SMOC2: variants seen among roughly 807,000 people sequenced by gnomAD.
SMOC2 encodes SPARC related modular calcium binding 2.
A neutral mutation model predicts 61.4 loss-of-function variants in SMOC2; 39 were observed. The observed-to-expected ratio is 0.64, with a 90% confidence interval of 0.49 to 0.83. The LOEUF (loss-of-function observed/expected upper bound fraction) is 0.83. Ranked by LOEUF, SMOC2 falls within the 40% of genes least tolerant of loss-of-function variation. The pLI, the probability that SMOC2 is intolerant of heterozygous loss-of-function variation, is 0.00. For synonymous variants in SMOC2, 247 were observed against 239.9 expected (o/e 1.03, Z -0.27); for missense variants, 556 against 592.9 (o/e 0.94, Z 0.65).
At chr6:168,446,257 G>A (rs1418764497) in intron 1 of SMOC2, among the ~76,000 whole-genome samples, 1 of 152,174 alleles carries the variant, frequency 6.6e-6, no homozygotes, top group East Asian at 1.9e-4. Context: ...CAGCTACTTG[G>A]GAGGCTGAGA....
intron 1 of SMOC2, among the ~76,000 whole-genome samples, chr6:168,493,172 G>A (rs1782508571): frequency 6.6e-6 from 1 of 152,002 alleles, no homozygotes; most frequent in South Asian, 2.1e-4. Context: ...GAGTAGCTGG[G>A]ACTACAGGTA....
Position 168,630,611 on chromosome 6 carries a change from G to A in SMOC2, c.908-20070G>A, listed in dbSNP as rs543317410. On this transcript the variant is annotated intron_variant, in intron 9 of 12. Coordinates refer to ENST00000356284, the MANE Select transcript of SMOC2 (RefSeq NM_001166412.2). ...GAAAAGGATAACAGCAATGTTCAGG[G>A]AACAAGAGAGATCACCTTAAATTCT... 1.4e-3 allele frequency among the ~76,000 whole-genome samples: 211 copies of A among 152,324 alleles called. 1 individual carries two copies. Among genetic ancestry groups the A allele is most frequent in the Non-Finnish European group, 2.5e-3 (173 of 68,032 alleles).
In SMOC2 at chr6:168,532,015, G is replaced by A. The variant is rs561607337; in HGVS notation, c.463+4288G>A. Among the ~76,000 whole-genome samples the A allele has an allele frequency of 7.9e-5, 12 of 152,266 alleles. No homozygotes were observed. In the South Asian group the frequency reaches 1.0e-3, roughly 13 times the overall value. ...TGGCGAGGACAAGAAGCCGGCTCTCGGAGACGTATCCAAGTCCACTTCATG... is the reference window on the plus strand; with the variant it reads ...TGGCGAGGACAAGAAGCCGGCTCTCAGAGACGTATCCAAGTCCACTTCATG... On this transcript the variant is annotated intron_variant, in intron 4 of 12. Coordinates refer to ENST00000356284, the MANE Select transcript of SMOC2 (RefSeq NM_001166412.2).
At chr6:168,458,497 T>C (rs1781643592) in intron 1 of SMOC2, among the ~76,000 whole-genome samples, 1 of 152,216 alleles carries the variant, frequency 6.6e-6, no homozygotes, top group African/African-American at 2.4e-5. Flanking sequence ...TCTTTCATGC[T>C]GTAAAATGGG....
intron 2 of SMOC2, among the ~76,000 whole-genome samples, chr6:168,520,343 C>T (rs570031829): frequency 1.3e-5 from 2 of 152,262 alleles, no homozygotes; most frequent in South Asian, 4.2e-4. Flanking sequence ...AAAGCCATGC[C>T]ACTCTGAGGG....
intron 11 of SMOC2, among the ~76,000 whole-genome samples, chr6:168,659,534 G>A (rs1326634740): frequency 5.6e-4 from 82 of 145,488 alleles, no homozygotes; most frequent in African/African-American, 2.1e-3. Flanking sequence ...GGGTGAGGAT[G>A]GAGGTTGTTG....
chr6:168,573,510 C>T (rs950499230), intron 7 of SMOC2, among the ~76,000 whole-genome samples: 4 of 152,186 alleles, frequency 2.6e-5, no homozygotes, highest in African/African-American at 9.6e-5. Flanking sequence ...GAGCCTGCTG[C>T]TGGTGCTGCT....
chr6:168,649,578 A>G (rs1252350983), intron 9 of SMOC2, among the ~76,000 whole-genome samples: 2 of 152,206 alleles, frequency 1.3e-5, no homozygotes, highest in South Asian at 2.1e-4. Flanking sequence ...CAAAATGTAA[A>G]TGGTAACAAG....
chr6:168,661,631 T>A (rs975347594), intron 11 of SMOC2, among the ~76,000 whole-genome samples: 25 of 152,202 alleles, frequency 1.6e-4, no homozygotes, highest in African/African-American at 6.0e-4. Flanking sequence ...AATATTAGTT[T>A]TTTTTTATAA....
At chr6:168,518,862 TATGA>T (rs57820980) in intron 2 of SMOC2, among the ~76,000 whole-genome samples, 14,258 of 151,738 alleles carry the variant, frequency 0.094, 749 homozygotes, top group South Asian at 0.19. Flanking sequence ...CCTCCTTGTG[TATGA>T]ATGTATTCAT....
At chr6:168,574,504 AACAAGTC>A (rs1784750372) in intron 7 of SMOC2, among the ~76,000 whole-genome samples, 4 of 152,194 alleles carry the variant, frequency 2.6e-5, no homozygotes. Context: ...AATATTCTGA[AACAAGTC>A]ACATCACAGA....
In SMOC2 at chr6:168,652,946, C is replaced by T. The variant is rs1342045884; in HGVS notation, c.1011-8C>T. 1.2e-6 allele frequency: 2 copies of T among 1,611,642 alleles called. No individual in the cohort carries two copies. The highest frequency in any genetic ancestry group is 1.7e-6 in the Non-Finnish European group (2 of 1,179,116). ...TAAGCATCCTGACGGCATCTGTGTTCCTTCCAGGCTCTCAGAACCCGACCC... is the reference window on the plus strand; with the variant it reads ...TAAGCATCCTGACGGCATCTGTGTTTCTTCCAGGCTCTCAGAACCCGACCC... On this transcript the variant is annotated splice_region_variant and splice_polypyrimidine_tract_variant and intron_variant, in intron 10 of 12. Coordinates refer to ENST00000356284, the MANE Select transcript of SMOC2 (RefSeq NM_001166412.2).
intron 10 of SMOC2, among the ~76,000 whole-genome samples, chr6:168,652,277 A>G (rs1028575644): frequency 2.6e-5 from 4 of 152,296 alleles, no homozygotes; most frequent in African/African-American, 7.2e-5. Flanking sequence ...GAAATTGGCA[A>G]TGGTGTCGGA....
chr6:168,471,674 C>T (rs951903068), intron 1 of SMOC2, among the ~76,000 whole-genome samples: 10 of 152,220 alleles, frequency 6.6e-5, no homozygotes, highest in African/African-American at 2.2e-4. Flanking sequence ...CCAGAATATA[C>T]AAGGACTCTG....
intron 7 of SMOC2, among the ~76,000 whole-genome samples, chr6:168,556,511 G>A (rs1166864481): frequency 6.6e-6 from 1 of 152,070 alleles, no homozygotes; most frequent in African/African-American, 2.4e-5. Flanking sequence ...CCACGCGGGC[G>A]CTGGAGGCGT....
chr6:168,621,955 A>G (rs544776909), intron 9 of SMOC2, among the ~76,000 whole-genome samples: 1 of 150,876 alleles, frequency 6.6e-6, no homozygotes, highest in South Asian at 2.1e-4. Context: ...GAATTTCTCT[A>G]ATGGATTAAT....
chr6:168,579,291 GA>G (rs1562359875), intron 7 of SMOC2, among the ~76,000 whole-genome samples: 5 of 152,256 alleles, frequency 3.3e-5, no homozygotes, highest in African/African-American at 9.6e-5. Flanking sequence ...TTATCCACAT[GA>G]AAAGTGAAGT....
chr6:168,453,729 CTCTG>C lies in SMOC2; in HGVS notation c.84+12279_84+12282del, dbSNP rs1023772094. On this transcript the variant is annotated intron_variant, in intron 1 of 12. Coordinates refer to ENST00000356284, the MANE Select transcript of SMOC2 (RefSeq NM_001166412.2). This position sits in a 1 kb window ranked among gnomAD's most constrained non-coding sequence, Gnocchi z 4.4. ...ATCTCTGCCATTCTACATACTACAT[CTCTG>C]TCTATCTCTGTCTCTCTGTCTCCCT... 2.6e-5 allele frequency among the ~76,000 whole-genome samples: 4 copies of C among 151,824 alleles called. No homozygotes were observed. Among genetic ancestry groups the C allele is most frequent in the South Asian group, 2.1e-4 (1 of 4,804 alleles).
Position 168,534,229 on chromosome 6 carries a change from C to G in SMOC2, c.463+6502C>G, listed in dbSNP as rs9456170. On this transcript the variant is annotated intron_variant, in intron 4 of 12. Coordinates refer to ENST00000356284, the MANE Select transcript of SMOC2 (RefSeq NM_001166412.2). Reference sequence around the variant, plus strand: ...GACATTTATTTTACATCCATGATGACATAAAATAGTAATTTGATACAGCCA... The same window carrying G: ...GACATTTATTTTACATCCATGATGAGATAAAATAGTAATTTGATACAGCCA... 3.3e-3 allele frequency among the ~76,000 whole-genome samples: 497 copies of G among 152,194 alleles called. 6 individuals carry two copies. Among genetic ancestry groups the G allele is most frequent in the South Asian group, 0.028 (134 of 4,818 alleles).
Sources: allele counts gnomAD v4.1 joint callset (sites outside exome capture counted in the v4.1 genomes callset), GRCh38; gene constraint gnomAD v4.1.1; non-coding constraint Gnocchi (gnomAD v3.1); transcripts MANE v1.5; gene names NCBI Gene and HGNC (gene_info 2026-07-23, HGNC 2026-07-21).